Variants in ST3GAL1 observed in about 807,000 individuals in gnomAD.
ST3GAL1 encodes the protein ST3 beta-galactoside alpha-2,3-sialyltransferase 1.
ST3GAL1 carries 16 observed loss-of-function variants against 34.1 expected under a neutral mutation model. The ratio of observed to expected loss-of-function variants is 0.47; its 90% CI spans 0.32 to 0.71. The LOEUF (loss-of-function observed/expected upper bound fraction) is 0.71. Ranked by LOEUF, ST3GAL1 falls within the 30% of genes least tolerant of loss-of-function variation. The pLI is 0.04. For synonymous variants in ST3GAL1, 191 were observed against 184.7 expected, an observed-to-expected ratio of 1.03 and a Z score of -0.28; for missense variants, 353 against 447.4, an observed-to-expected ratio of 0.79 and a Z score of 1.90.
rs1186331409 is a variant in ST3GAL1 at position 133,556,873 on chromosome 8, T to C, written c.-581-10947A>G. ...GATGATAAAACTAAGTGGAGGGAAG[T>C]GGGAGGGAGGTTGGCAGCGGTGCTA... is the stretch of plus-strand genomic sequence containing the variant. On this transcript the variant is annotated intron_variant, in intron 1 of 9. Transcript: ENST00000522652. The surrounding 1 kb of genome is among the most constrained non-coding windows in gnomAD (Gnocchi z 8.9). 3.9e-5 allele frequency among the ~76,000 whole-genome samples: 6 copies of C among 152,086 alleles called. No homozygotes were observed. In the South Asian group the frequency reaches 6.2e-4, roughly 16 times the overall value.
At position 133,504,646 on chromosome 8, in the gene ST3GAL1, G is replaced by A. The variant is rs79805773; in HGVS notation, c.-428-5457C>T. ...GGAGAGTGGCCACAGGAAGGTACAG[G>A]CTCTGCCCTCAAGAGCTTCCACTCA... On this transcript the variant is annotated intron_variant, in intron 2 of 9. Transcript: ENST00000522652. Among the ~76,000 whole-genome samples, 523 of 152,250 alleles carry A rather than the reference G, an allele frequency of 3.4e-3. 18 individuals are homozygous for A. Among genetic ancestry groups the A allele is most frequent in the Admixed American group, 0.031 (479 of 15,284 alleles).
At chr8:133,568,786 G>A (rs1368999149) in intron 1 of ST3GAL1, among the ~76,000 whole-genome samples, 1 of 152,120 alleles carries the variant, frequency 6.6e-6, no homozygotes, top group Non-Finnish European at 1.5e-5. Context: ...CTGCCTTTGG[G>A]TGGTGTCCTG....
chr8:133,536,024 G>C (rs921927176), intron 2 of ST3GAL1, among the ~76,000 whole-genome samples: 4 of 152,174 alleles, frequency 2.6e-5, no homozygotes, highest in Non-Finnish European at 5.9e-5. Context: ...CTGGAGTTTG[G>C]TGCTGTTGTT....
Position 133,526,353 on chromosome 8 carries a change from CAG to C in ST3GAL1, c.-429+19419_-429+19420del, listed in dbSNP as rs1817974719. Among the ~76,000 whole-genome samples the C allele has an allele frequency of 3.3e-5, 5 of 152,232 alleles. No homozygotes were observed. In the South Asian group the frequency reaches 1.0e-3, roughly 32 times the overall value. On this transcript the variant is annotated intron_variant, in intron 2 of 9. Transcript: ENST00000522652. Reference sequence around the variant, plus strand: ...CCTGCAGATAATTCTACATCAAAAACAGGGGAAGTAGAAAAGTTCATGAAGGC... The same window carrying C: ...CCTGCAGATAATTCTACATCAAAAACGGGAAGTAGAAAAGTTCATGAAGGC...
chr8:133,534,063 G>A (rs868357741), intron 2 of ST3GAL1, among the ~76,000 whole-genome samples: 27 of 152,204 alleles, frequency 1.8e-4, no homozygotes, highest in South Asian at 1.0e-3. Flanking sequence ...GGAAAAAAAC[G>A]GGCCCAACCC....
At chr8:133,510,339 C>A (rs910512581) in intron 2 of ST3GAL1, among the ~76,000 whole-genome samples, 1 of 152,170 alleles carries the variant, frequency 6.6e-6, no homozygotes, top group African/African-American at 2.4e-5. Flanking sequence ...ATACCATCAC[C>A]CCTTCACCTC....
chr8:133,510,720 T>C (rs147433687), intron 2 of ST3GAL1, among the ~76,000 whole-genome samples: 50 of 152,326 alleles, frequency 3.3e-4, no homozygotes, highest in African/African-American at 1.2e-3. Flanking sequence ...CCAGCCCAAT[T>C]TCAAGTGGAT....
chr8:133,506,785 CA>C (rs1320214936), intron 2 of ST3GAL1, among the ~76,000 whole-genome samples: 1 of 144,604 alleles, frequency 6.9e-6, no homozygotes, highest in African/African-American at 2.6e-5. Context: ...GACTTTGTCC[CA>C]AAAAAAAGAA....
chr8:133,464,698 G>A, intron 7 of ST3GAL1, 80 bp downstream of exon 7: 1 of 1,505,280 alleles, frequency 6.6e-7, no homozygotes, highest in Admixed American at 1.8e-5. Context: ...TGGAGGCACA[G>A]CAGGACCACG....
At chr8:133,564,727 C>T (rs1819341421) in intron 1 of ST3GAL1, among the ~76,000 whole-genome samples, 1 of 152,212 alleles carries the variant, frequency 6.6e-6, no homozygotes, top group Non-Finnish European at 1.5e-5. Flanking sequence ...GGAATCAAAA[C>T]TAACATTTGT....
At chr8:133,523,973 G>A (rs1463588787) in intron 2 of ST3GAL1, among the ~76,000 whole-genome samples, 1 of 152,140 alleles carries the variant, frequency 6.6e-6, no homozygotes, top group Admixed American at 6.5e-5. Flanking sequence ...GGCAGCCTGT[G>A]ACCCTCCAGT....
chr8:133,472,584 G>A (rs7835464), intron 5 of ST3GAL1, among the ~76,000 whole-genome samples: 10,459 of 152,284 alleles, frequency 0.069, 487 homozygotes, highest in African/African-American at 0.13. Context: ...TTTGTTGTCA[G>A]ATATTCCATG....
chr8:133,540,672 G>A (rs1818437910), intron 2 of ST3GAL1, among the ~76,000 whole-genome samples: 1 of 147,626 alleles, frequency 6.8e-6, no homozygotes, highest in Non-Finnish European at 1.5e-5. Context: ...CCTGCCCTGG[G>A]ACCCCCTGCC....
intron 1 of ST3GAL1, among the ~76,000 whole-genome samples, chr8:133,564,261 A>G (rs992064321): frequency 6.6e-6 from 1 of 152,214 alleles, no homozygotes; most frequent in South Asian, 2.1e-4. Context: ...AAGGCAGCCT[A>G]AAGTAACCGG....
intron 1 of ST3GAL1, among the ~76,000 whole-genome samples, chr8:133,565,151 CTGTGTGTGTGTGTGTG>C (rs60990775): frequency 1.6e-4 from 23 of 139,408 alleles, no homozygotes; most frequent in Middle Eastern, 3.9e-3. Context: ...CTCTGTGTGC[CTGTGTGTGTGTGTGTG>C]TGTGTGTGTG....
intron 2 of ST3GAL1, among the ~76,000 whole-genome samples, chr8:133,542,091 C>T (rs796321870): frequency 6.9e-5 from 10 of 143,954 alleles, no homozygotes; most frequent in African/African-American, 2.7e-4. Flanking sequence ...CTGTGTGATA[C>T]ACCACACACA....
At position 133,454,859 on chromosome 8, in the gene ST3GAL1, AGCTCTTTGTTTATTCACTT is replaced by A. The variant is rs1815243038; in HGVS notation, c.*4886_*4904del. 6.6e-6 allele frequency: 1 copy of A among 152,206 alleles called. No homozygotes were observed. The highest frequency in any genetic ancestry group is 2.4e-5 in the African/African-American group (1 of 41,434). The allele number at this position is 152,206 out of a possible 1,614,324, so 9.4% of individuals were successfully genotyped here. A position where few individuals can be genotyped will look rare whatever the true frequency, so the allele number is the denominator to read the frequency against. On this transcript the variant is annotated 3_prime_UTR_variant, in exon 10 of 10. Transcript: ENST00000522652. ...AACAAACACACCCAAACAATAAAATAGCTCTTTGTTTATTCACTTTGATTTGGATCATTGGAAATATTAA... is the reference window on the plus strand; with the variant it reads ...AACAAACACACCCAAACAATAAAATATGATTTGGATCATTGGAAATATTAA...
chr8:133,559,684 T>C (rs1819159730), intron 1 of ST3GAL1, among the ~76,000 whole-genome samples: 1 of 152,176 alleles, frequency 6.6e-6, no homozygotes, highest in Non-Finnish European at 1.5e-5. Flanking sequence ...TTTCTCTCCA[T>C]TGTGAAGATG....
At chr8:133,535,056 C>A (rs1163230102) in intron 2 of ST3GAL1, among the ~76,000 whole-genome samples, 1 of 152,196 alleles carries the variant, frequency 6.6e-6, no homozygotes, top group Non-Finnish European at 1.5e-5. Flanking sequence ...AGAAGCCCTG[C>A]AGCTGAGGAT....
Sources: gnomAD v4.1 joint callset for allele counts (sites outside exome capture counted in the v4.1 genomes callset) on GRCh38, gnomAD v4.1.1 for gene constraint, Gnocchi (gnomAD v3.1) non-coding constraint, MANE v1.5 for transcripts, NCBI Gene and HGNC (gene_info 2026-07-23, HGNC 2026-07-21) for gene names.